The following SNTG1 variants were observed in gnomAD, a reference collection of about 807,000 sequenced individuals.
SNTG1 encodes the protein gamma-1-syntrophin.
In SNTG1, 39 loss-of-function variants were observed where a neutral mutation model predicts 74.7. That is an observed-to-expected ratio of 0.52 (90% CI 0.40 to 0.68). SNTG1 has a LOEUF of 0.68. Ranked by LOEUF, SNTG1 falls within the 30% of genes least tolerant of loss-of-function variation. The pLI is 0.00. For synonymous variants in SNTG1, 254 were observed against 217.1 expected, an observed-to-expected ratio of 1.17 and a Z score of -1.49; for missense variants, 685 against 609.5, an observed-to-expected ratio of 1.12 and a Z score of -1.30.
At chr8:50,063,330 T>C (rs1439253942) in intron 1 of SNTG1, among the ~76,000 whole-genome samples, 1 of 152,266 alleles carries the variant, frequency 6.6e-6, no homozygotes, top group Non-Finnish European at 1.5e-5. Context: ...TGCATCACCA[T>C]GCATTTGTAT....
intron 2 of SNTG1, among the ~76,000 whole-genome samples, chr8:50,326,317 G>A (rs563294393): frequency 2.0e-4 from 31 of 152,042 alleles, no homozygotes; most frequent in Admixed American, 7.9e-4. Context: ...TGGTAGAAGC[G>A]TTTTGCTTCC....
intron 2 of SNTG1, among the ~76,000 whole-genome samples, chr8:50,281,871 G>A (rs530156774): frequency 1.5e-4 from 23 of 152,274 alleles, no homozygotes; most frequent in African/African-American, 5.1e-4. Context: ...TGGAACTTAT[G>A]AGATATAGCA....
intron 10 of SNTG1, among the ~76,000 whole-genome samples, chr8:50,535,351 T>C (rs1286082862): frequency 1.3e-5 from 2 of 152,154 alleles, no homozygotes; most frequent in Non-Finnish European, 2.9e-5. Context: ...GCTGATCCCA[T>C]GTCATATGCT....
intron 11 of SNTG1, among the ~76,000 whole-genome samples, chr8:50,551,100 T>C (rs2094423180): frequency 6.6e-6 from 1 of 152,098 alleles, no homozygotes; most frequent in Non-Finnish European, 1.5e-5. Context: ...TCACTTTAGA[T>C]GAAATTGAGG....
At chr8:50,500,811 GT>G (rs2093944882) in intron 8 of SNTG1, among the ~76,000 whole-genome samples, 2 of 152,068 alleles carry the variant, frequency 1.3e-5, no homozygotes, top group Admixed American at 6.6e-5. Context: ...TGCTGGGATT[GT>G]TTGAAGGGAT....
At chr8:50,408,624 A>T (rs2092909380) in intron 4 of SNTG1, among the ~76,000 whole-genome samples, 1 of 152,162 alleles carries the variant, frequency 6.6e-6, no homozygotes, top group Non-Finnish European at 1.5e-5. Context: ...GCCCAGGTAA[A>T]AGGCTCACTC....
chr8:50,645,082 A>G (rs1324598806), intron 13 of SNTG1, among the ~76,000 whole-genome samples: 1 of 147,376 alleles, frequency 6.8e-6, no homozygotes, highest in Non-Finnish European at 1.5e-5. Context: ...GTAACATTTA[A>G]ACTTCTGCTA....
At chr8:50,539,382 T>C (rs887311714) in intron 11 of SNTG1, among the ~76,000 whole-genome samples, 1 of 152,138 alleles carries the variant, frequency 6.6e-6, no homozygotes, top group African/African-American at 2.4e-5. Flanking sequence ...TATGTTAAGT[T>C]TCCTACTGCA....
At chr8:50,125,724 A>G (rs570776687) in intron 1 of SNTG1, among the ~76,000 whole-genome samples, 2 of 150,846 alleles carry the variant, frequency 1.3e-5, no homozygotes, top group African/African-American at 2.4e-5. Context: ...GTCATTGTAC[A>G]GTGACTTGTT....
chr8:50,536,906 T>A (rs1336083078), intron 11 of SNTG1, 98 bp downstream of exon 11: 3 of 1,407,054 alleles, frequency 2.1e-6, no homozygotes, highest in Non-Finnish European at 2.9e-6. Context: ...ATGATTTTAG[T>A]ATGTTTTTGA....
chr8:50,493,823 A>AC lies in SNTG1; in HGVS notation c.364-8954dup, dbSNP rs926289414. Among the ~76,000 whole-genome samples, 200 of 151,650 alleles carry AC rather than the reference A, an allele frequency of 1.3e-3. 2 individuals are homozygous for AC. Among genetic ancestry groups the AC allele is most frequent in the African/African-American group, 4.5e-3 (187 of 41,472 alleles). On this transcript the variant is annotated intron_variant, in intron 8 of 18. Transcript: ENST00000642720. ...GACAACTGGTAATTGCTGAAAAAAA[A>AC]CAAAAATAATAAAACCATGTCAAAT... is the stretch of plus-strand genomic sequence containing the variant.
intron 2 of SNTG1, among the ~76,000 whole-genome samples, chr8:50,275,770 C>T (rs1032320936): frequency 1.1e-4 from 16 of 152,118 alleles, no homozygotes; most frequent in Non-Finnish European, 1.8e-4. Context: ...TGGACTCCAG[C>T]GACTACTGCT....
At chr8:50,461,337 G>A (rs1395940832) in intron 8 of SNTG1, among the ~76,000 whole-genome samples, 2 of 152,032 alleles carry the variant, frequency 1.3e-5, no homozygotes, top group Non-Finnish European at 2.9e-5. Context: ...ACCTGTCTGA[G>A]ATAGAGTTTT....
rs538339953 is a variant in SNTG1, at chr8:50,201,658, A to G, written c.-28+29023A>G. 3.3e-5 allele frequency among the ~76,000 whole-genome samples: 5 copies of G among 152,190 alleles called. No individual in the cohort carries two copies. In the South Asian group the frequency reaches 1.0e-3, roughly 32 times the overall value. ...TGAACACTGATACTAGAAATCAGGA[A>G]CTGGGTGTTATGTGTCCTTGTAGCT... On this transcript the variant is annotated intron_variant, in intron 2 of 18. Transcript: ENST00000642720.
chr8:50,510,628 C>G (rs1160789410), intron 9 of SNTG1, among the ~76,000 whole-genome samples: 1 of 152,102 alleles, frequency 6.6e-6, no homozygotes, highest in Non-Finnish European at 1.5e-5. Flanking sequence ...TCAACTTCTT[C>G]CTGGTTTAGT....
intron 1 of SNTG1, among the ~76,000 whole-genome samples, chr8:49,999,076 C>T (rs1288672412): frequency 2.0e-5 from 3 of 152,220 alleles, no homozygotes; most frequent in Middle Eastern, 6.8e-3. Flanking sequence ...TACAGAACTG[C>T]TTTCATATAT....
intron 13 of SNTG1, among the ~76,000 whole-genome samples, chr8:50,654,047 A>G (rs2095165420): frequency 6.6e-6 from 1 of 152,096 alleles, no homozygotes; most frequent in Admixed American, 6.6e-5. Context: ...ACACATGCCA[A>G]AGTGCCTTGG....
At chr8:50,698,770 C>T (rs1176277488) in intron 15 of SNTG1, among the ~76,000 whole-genome samples, 1 of 152,126 alleles carries the variant, frequency 6.6e-6, no homozygotes, top group Non-Finnish European at 1.5e-5. Flanking sequence ...CTTACAGTCT[C>T]CCAGCCACAT....
intron 18 of SNTG1, among the ~76,000 whole-genome samples, chr8:50,781,459 T>G (rs929255424): frequency 1.3e-5 from 2 of 148,274 alleles, no homozygotes; most frequent in African/African-American, 5.0e-5. Flanking sequence ...CATTATGTAA[T>G]GGCCTTCTTT....
Sources: allele counts gnomAD v4.1 joint callset (sites outside exome capture counted in the v4.1 genomes callset), GRCh38; gene constraint gnomAD v4.1.1; transcripts MANE v1.5; gene names NCBI Gene and HGNC (gene_info 2026-07-23, HGNC 2026-07-21).